The following SEZ6L variants were observed in gnomAD, a reference collection of about 807,000 sequenced individuals.
SEZ6L encodes seizure related 6 homolog like.
SEZ6L carries 37 observed loss-of-function variants against 106.2 expected under a neutral mutation model. That is an observed-to-expected ratio of 0.35 (90% confidence interval 0.27 to 0.46). SEZ6L has a LOEUF of 0.46. Among genes scored for constraint, SEZ6L ranks in the 20% least tolerant of loss-of-function variants. The pLI is 1.00. For synonymous variants in SEZ6L, 541 were observed against 570.4 expected (o/e 0.95, Z 0.73); for missense variants, 1,172 against 1,332.8 (o/e 0.88, Z 1.88).
intron 1 of SEZ6L, among the ~76,000 whole-genome samples, chr22:26,180,846 T>A (rs1016131018): frequency 1.3e-5 from 2 of 152,222 alleles, no homozygotes; most frequent in Non-Finnish European, 2.9e-5. Context: ...TGCATGGTTT[T>A]GGTAACCATT....
At chr22:26,301,113 C>G (rs150131867) in intron 5 of SEZ6L, among the ~76,000 whole-genome samples, 1 of 152,188 alleles carries the variant, frequency 6.6e-6, no homozygotes, top group South Asian at 2.1e-4. Flanking sequence ...GCCATTATCC[C>G]CATTTTGCAG....
At chr22:26,256,288 G>A (rs1166754838) in intron 1 of SEZ6L, among the ~76,000 whole-genome samples, 1 of 152,196 alleles carries the variant, frequency 6.6e-6, no homozygotes, top group Non-Finnish European at 1.5e-5. Flanking sequence ...AAGGAGATAA[G>A]CTAAGAAGTG....
intron 10 of SEZ6L, among the ~76,000 whole-genome samples, chr22:26,346,975 C>T (rs2083027643): frequency 6.6e-6 from 1 of 151,718 alleles, no homozygotes; most frequent in African/African-American, 2.4e-5. Context: ...GGTAGGATTG[C>T]TTGAGCCTAA....
intron 1 of SEZ6L, among the ~76,000 whole-genome samples, chr22:26,246,994 T>C (rs2079376058): frequency 6.6e-6 from 1 of 152,188 alleles, no homozygotes; most frequent in Non-Finnish European, 1.5e-5. Flanking sequence ...CTTTGCAGAC[T>C]CTAGAAGGCT....
chr22:26,348,738 G>GAAT, intron 11 of SEZ6L, among the ~76,000 whole-genome samples: 1 of 14,464 alleles, frequency 6.9e-5, no homozygotes, highest in Non-Finnish European at 1.5e-4. Flanking sequence ...GGGAGGGAAG[G>GAAT]GAAGAAGGGA....
chr22:26,204,764 C>G (rs1413436620), intron 1 of SEZ6L, among the ~76,000 whole-genome samples: 1 of 152,206 alleles, frequency 6.6e-6, no homozygotes, highest in Non-Finnish European at 1.5e-5. Context: ...AGGCTCCAGG[C>G]AGGTTGGAGC....
intron 1 of SEZ6L, among the ~76,000 whole-genome samples, chr22:26,218,034 T>C (rs550261519): frequency 2.0e-5 from 3 of 152,274 alleles, no homozygotes; most frequent in African/African-American, 7.2e-5. Flanking sequence ...TAGACACACT[T>C]CCTGCCGTTG....
chr22:26,208,438 A>G (rs1378300060), intron 1 of SEZ6L, among the ~76,000 whole-genome samples: 1 of 152,182 alleles, frequency 6.6e-6, no homozygotes, highest in East Asian at 1.9e-4. Flanking sequence ...TTCATTCTTG[A>G]AAGCTATTTT....
intron 9 of SEZ6L, among the ~76,000 whole-genome samples, chr22:26,326,495 C>T (rs568846826): frequency 4.4e-4 from 67 of 152,300 alleles, no homozygotes; most frequent in African/African-American, 1.5e-3. Context: ...AAGCTCTGTT[C>T]TGAGCACGTT....
chr22:26,180,148 C>T (rs908925048), intron 1 of SEZ6L, among the ~76,000 whole-genome samples: 2 of 152,224 alleles, frequency 1.3e-5, no homozygotes, highest in Non-Finnish European at 2.9e-5. Flanking sequence ...CCATGTGACA[C>T]AAAACCATAC....
At chr22:26,229,853 T>C (rs141721502) in intron 1 of SEZ6L, among the ~76,000 whole-genome samples, 24 of 152,286 alleles carry the variant, frequency 1.6e-4, no homozygotes, top group African/African-American at 5.8e-4. Context: ...CAGGTGCAGG[T>C]GTTAACAAAT....
At chr22:26,281,957 G>A (rs1365367346) in intron 1 of SEZ6L, among the ~76,000 whole-genome samples, 1 of 152,098 alleles carries the variant, frequency 6.6e-6, no homozygotes. Flanking sequence ...CAGCTGCATG[G>A]CATTCCACCT....
At chr22:26,305,889 T>G in intron 5 of SEZ6L, 90 bp from the exon 6 acceptor site, 4 of 188,874 alleles carry the variant, frequency 2.1e-5, no homozygotes, top group South Asian at 6.6e-5. Context: ...CTCACTTCCT[T>G]CTCTCTCTCT....
At position 26,329,583 on chromosome 22, in the gene SEZ6L, G is replaced by A. The variant is rs1024332958; in HGVS notation, c.2016-10853G>A. Among the ~76,000 whole-genome samples, 5 of 152,246 alleles carry A rather than the reference G, an allele frequency of 3.3e-5. No homozygotes were observed. In the East Asian group the frequency reaches 9.6e-4, roughly 29 times the overall value. On this transcript the variant is annotated intron_variant, in intron 9 of 16. Coordinates refer to ENST00000248933, the MANE Select transcript of SEZ6L (RefSeq NM_021115.5). Reference sequence around the variant, plus strand: ...TGGAGCTGACATGGTTTCTTGGCCTGTCTGCCATTTTATCAAATTAAATTG... The same window carrying A: ...TGGAGCTGACATGGTTTCTTGGCCTATCTGCCATTTTATCAAATTAAATTG...
At chr22:26,258,358 A>G (rs2145811722) in intron 1 of SEZ6L, among the ~76,000 whole-genome samples, 1 of 152,340 alleles carries the variant, frequency 6.6e-6, no homozygotes, top group East Asian at 1.9e-4. Flanking sequence ...AGAAGTGGGC[A>G]GGGAGTCATC....
intron 1 of SEZ6L, among the ~76,000 whole-genome samples, chr22:26,272,281 G>A (rs541885300): frequency 2.6e-5 from 4 of 152,274 alleles, no homozygotes; most frequent in Admixed American, 1.3e-4. Context: ...TTACAATTGG[G>A]GGGAGTTTTC....
intron 9 of SEZ6L, among the ~76,000 whole-genome samples, chr22:26,331,761 T>C (rs5761477): frequency 0.37 from 55,517 of 152,016 alleles, 10,884 homozygotes; most frequent in East Asian, 0.63. Context: ...GGCAGGTGGA[T>C]CACCTGAGGT....
At chr22:26,309,546 T>C (rs1389340004) in intron 6 of SEZ6L, among the ~76,000 whole-genome samples, 1 of 152,118 alleles carries the variant, frequency 6.6e-6, no homozygotes, top group Non-Finnish European at 1.5e-5. Context: ...GGGAGTCAAA[T>C]GCTTAATAAA....
chr22:26,260,042 A>G (rs190342638), intron 1 of SEZ6L, among the ~76,000 whole-genome samples: 40 of 152,282 alleles, frequency 2.6e-4, no homozygotes, highest in Admixed American at 4.6e-4. Context: ...GTTATTATTA[A>G]TCTAATAGAG....
Sources: allele counts gnomAD v4.1 joint callset (sites outside exome capture counted in the v4.1 genomes callset), GRCh38; gene constraint gnomAD v4.1.1; transcripts MANE v1.5; gene names NCBI Gene and HGNC (gene_info 2026-07-23, HGNC 2026-07-21).